Variants in NSMAF observed in about 807,000 individuals in gnomAD.
NSMAF encodes the protein protein FAN.
In NSMAF, 90 loss-of-function variants were observed where a neutral mutation model predicts 134.9. That is an observed-to-expected ratio of 0.67 (90% CI 0.56 to 0.79). The LOEUF (loss-of-function observed/expected upper bound fraction) is 0.79. Ranked by LOEUF, NSMAF falls within the 30% of genes least tolerant of loss-of-function variation. The pLI, the probability that NSMAF is intolerant of heterozygous loss-of-function variation, is 0.00. For synonymous variants in NSMAF, 358 were observed against 389.6 expected, an observed-to-expected ratio of 0.92 and a Z score of 0.96; for missense variants, 1,010 against 1,119.0, an observed-to-expected ratio of 0.90 and a Z score of 1.39.
chr8:58,592,627 C>T (rs1806043156), intron 23 of NSMAF, among the ~76,000 whole-genome samples: 2 of 152,224 alleles, frequency 1.3e-5, no homozygotes, highest in Non-Finnish European at 2.9e-5. Flanking sequence ...GTGGCCCATG[C>T]CTGTAATCCC....
At chr8:58,618,139 C>T (rs922034149) in intron 9 of NSMAF, among the ~76,000 whole-genome samples, 6 of 152,068 alleles carry the variant, frequency 3.9e-5, no homozygotes, top group Non-Finnish European at 8.8e-5. Context: ...GGGCGAGGAA[C>T]ATCACACACT....
chr8:58,623,480 T>A (rs926483873), intron 7 of NSMAF, 56 bp from the exon 8 acceptor site: 1 of 1,536,462 alleles, frequency 6.5e-7, no homozygotes. Flanking sequence ...ATATGAAGTA[T>A]TTCTTTAGAA....
At chr8:58,608,422 CAG>C (rs910860806) in intron 10 of NSMAF, among the ~76,000 whole-genome samples, 8 of 152,068 alleles carry the variant, frequency 5.3e-5, no homozygotes, top group Non-Finnish European at 1.2e-4. Flanking sequence ...TTTAAAAAGG[CAG>C]AGATTGGCTA....
chr8:58,634,481 TC>T (rs1807125002), intron 5 of NSMAF, among the ~76,000 whole-genome samples: 1 of 152,266 alleles, frequency 6.6e-6, no homozygotes, highest in South Asian at 2.1e-4. Context: ...GCTTTTCTTA[TC>T]CCTTATTCAT....
intron 9 of NSMAF, among the ~76,000 whole-genome samples, chr8:58,611,622 GT>G (rs2083834678): frequency 1.3e-5 from 2 of 152,148 alleles, no homozygotes; most frequent in Admixed American, 6.5e-5. Flanking sequence ...GAATAAAAAT[GT>G]TGATATCACA....
In NSMAF at chr8:58,599,362, AC is replaced by A; in HGVS notation, c.1454del (p.Ser485IlefsTer28). ...TGCTCTTCTGGAGAAAGTCCTCGGG[AC>A]CTATTAGATTAGACTCAATCGAAAA... Reference protein sequence around the residue: ...DDVELPPWASSPEDFLQKSKD... With the variant: ...DDVELPPWASXPEDFLQKSKD... On this transcript the variant is annotated frameshift_variant and splice_region_variant, in exon 19 of 31. Coordinates refer to ENST00000038176, the MANE Select transcript of NSMAF (RefSeq NM_003580.4). LOFTEE classifies it high-confidence loss of function. 1 of 1,613,514 alleles carries A rather than the reference AC, an allele frequency of 6.2e-7. No homozygotes were observed. The highest frequency in any genetic ancestry group is 8.5e-7 in the Non-Finnish European group (1 of 1,179,852).
In NSMAF at chr8:58,606,916, A is replaced by G. The variant is rs560123475; in HGVS notation, c.759+853T>C. 8.5e-5 allele frequency among the ~76,000 whole-genome samples: 13 copies of G among 152,322 alleles called. No homozygotes were observed. The South Asian group carries it at 2.7e-3, about 32-fold the overall frequency. On this transcript the variant is annotated intron_variant, in intron 11 of 30. Transcript: ENST00000038176. ...CTGTTACATAGAAAGCACTTAATCA[A>G]TGTTAATTTCTTCTCTTTTTCTGAC...
At chr8:58,622,286 TAC>T (rs1806804038) in intron 9 of NSMAF, among the ~76,000 whole-genome samples, 1 of 152,040 alleles carries the variant, frequency 6.6e-6, no homozygotes, top group Non-Finnish European at 1.5e-5. Context: ...CTGTCTGGAG[TAC>T]AGAGGCATAA....
chr8:58,645,856 C>CA (rs1383017632), intron 1 of NSMAF, among the ~76,000 whole-genome samples: 3 of 152,116 alleles, frequency 2.0e-5, no homozygotes, highest in Non-Finnish European at 4.4e-5. Flanking sequence ...GCCTGGTCAA[C>CA]ATGGTGAAAC....
At chr8:58,628,770 C>T (rs1425517922) in intron 6 of NSMAF, among the ~76,000 whole-genome samples, 1 of 152,044 alleles carries the variant, frequency 6.6e-6, no homozygotes, top group Non-Finnish European at 1.5e-5. Flanking sequence ...CCTTATCTCT[C>T]CATTTTTTTC....
Position 58,659,699 on chromosome 8 carries a change from G to A in NSMAF, c.-68C>T, listed in dbSNP as rs914149654. On this transcript the variant is annotated 5_prime_UTR_variant, in exon 1 of 31. Coordinates refer to ENST00000038176, the MANE Select transcript of NSMAF (RefSeq NM_003580.4). ...CGCCGCCGCCTGCCGAGGAGGTCCG[G>A]AGGAGCCGGGGAGGGCGGGATTGGT... 7 of 1,270,616 alleles carry A rather than the reference G, an allele frequency of 5.5e-6. No individual in the cohort carries two copies. Among genetic ancestry groups the A allele is most frequent in the Non-Finnish European group, 1.0e-6 (1 of 986,124 alleles). 78.7% of individuals were successfully genotyped at this position (1,270,616 alleles called of 1,614,324 possible).
At chr8:58,592,425 T>A (rs1455887679) in intron 23 of NSMAF, among the ~76,000 whole-genome samples, 1 of 152,178 alleles carries the variant, frequency 6.6e-6, no homozygotes, top group African/African-American at 2.4e-5. Flanking sequence ...GCTAAGCTCA[T>A]AAGTGGTGGG....
At chr8:58,641,473 A>T (rs1807334962) in intron 2 of NSMAF, among the ~76,000 whole-genome samples, 1 of 144,402 alleles carries the variant, frequency 6.9e-6, no homozygotes, top group African/African-American at 2.9e-5. Flanking sequence ...TTAAAAACAT[A>T]GTGATAAATC....
chr8:58,602,262 G>T, intron 13 of NSMAF, 125 bp from the exon 14 acceptor site: 2 of 597,022 alleles, frequency 3.3e-6, no homozygotes, highest in Non-Finnish European at 5.5e-6. Context: ...ATCCATGAGA[G>T]TTATTTTTGT....
At chr8:58,626,271 A>G (rs573019592) in intron 6 of NSMAF, among the ~76,000 whole-genome samples, 6 of 136,166 alleles carry the variant, frequency 4.4e-5, no homozygotes, top group Non-Finnish European at 9.8e-5. Context: ...AATTTTTTGT[A>G]TTTTTAGTAG....
chr8:58,658,104 T>G (rs1470232068), intron 1 of NSMAF, among the ~76,000 whole-genome samples: 1 of 152,184 alleles, frequency 6.6e-6, no homozygotes, highest in East Asian at 1.9e-4. Context: ...TACAACATGA[T>G]GCCAATTCAA....
In NSMAF at chr8:58,629,859, G is replaced by A. The variant is rs1384433986; in HGVS notation, c.384+1637C>T. On this transcript the variant is annotated intron_variant, in intron 6 of 30. Transcript: ENST00000038176. ...TGCTGTCTCTCGTGTCTAGATGTCTGCTGTACCACAGGTCCTTTGAAGCAG... is the reference window on the plus strand; with the variant it reads ...TGCTGTCTCTCGTGTCTAGATGTCTACTGTACCACAGGTCCTTTGAAGCAG... 2.6e-5 allele frequency among the ~76,000 whole-genome samples: 4 copies of A among 152,256 alleles called. No homozygotes were observed. The East Asian group carries it at 7.7e-4, about 29-fold the overall frequency.
chr8:58,595,629 T>C lies in NSMAF; in HGVS notation c.1823A>G (p.Glu608Gly). 6.2e-7 allele frequency: 1 copy of C among 1,614,096 alleles called. No individual in the cohort carries two copies. Among genetic ancestry groups the C allele is most frequent in the Admixed American group, 1.7e-5 (1 of 60,030 alleles). ...GTTATTCCAGGCCAGTGTTTTGCTT[T>C]CTTCGGTCAGGTCTTCAAAAGACTC... ...GEESFEDLTEESKTLAWNNIT... is the reference protein window; with the variant it reads ...GEESFEDLTEGSKTLAWNNIT... The change falls in exon 22 of 31, where the codon GAA (glutamate) becomes GGA (glycine). Residue 608 changes from glutamate to glycine, a missense_variant. Transcript: ENST00000038176.
intron 10 of NSMAF, among the ~76,000 whole-genome samples, chr8:58,609,194 G>A (rs1806471202): frequency 6.6e-6 from 1 of 152,166 alleles, no homozygotes; most frequent in Non-Finnish European, 1.5e-5. Flanking sequence ...TCATTAAGAA[G>A]AAGCAAGAAA....
Sources: gnomAD v4.1 joint callset for allele counts (sites outside exome capture counted in the v4.1 genomes callset) on GRCh38, gnomAD v4.1.1 for gene constraint, MANE v1.5 for transcripts, NCBI Gene and HGNC (gene_info 2026-07-23, HGNC 2026-07-21) for gene names.